The following PDE3A variants were observed in gnomAD, a reference collection of about 807,000 sequenced individuals.
The protein encoded by PDE3A is cGMP-inhibited 3',5'-cyclic phosphodiesterase 3A.
A neutral mutation model predicts 98.3 loss-of-function variants in PDE3A; 43 were observed. The observed-to-expected ratio is 0.44, with a 90% CI of 0.34 to 0.56. The LOEUF (loss-of-function observed/expected upper bound fraction) is 0.56, where lower values mean the gene tolerates loss of function less well. PDE3A is among the 20% of genes least tolerant of loss of function. The pLI is 0.01. For missense variants in PDE3A, 1,427 were observed against 1,440.7 expected (o/e 0.99, Z 0.15); for synonymous variants, 663 against 567.9 (o/e 1.17, Z -2.38).
intron 8 of PDE3A, among the ~76,000 whole-genome samples, chr12:20,635,823 A>G (rs1425618653): frequency 6.6e-6 from 1 of 151,960 alleles, no homozygotes; most frequent in Non-Finnish European, 1.5e-5. Context: ...TCCGGATTAA[A>G]CATGTATTAC....
chr12:20,529,941 C>A (rs1442410353), intron 1 of PDE3A, among the ~76,000 whole-genome samples: 1 of 152,020 alleles, frequency 6.6e-6, no homozygotes, highest in African/African-American at 2.4e-5. Context: ...AGAAATAAAA[C>A]TTTTTAATTT....
At chr12:20,392,534 CATAAATAA>C (rs1045970737) in intron 1 of PDE3A, among the ~76,000 whole-genome samples, 16 of 25,258 alleles carry the variant, frequency 6.3e-4, no homozygotes, top group African/African-American at 8.3e-4. Flanking sequence ...TAAATAAATA[CATAAATAA>C]ATAAATAAAT....
chr12:20,475,398 T>A (rs1176571779), intron 1 of PDE3A, among the ~76,000 whole-genome samples: 1 of 152,120 alleles, frequency 6.6e-6, no homozygotes, highest in Non-Finnish European at 1.5e-5. Flanking sequence ...CGGAGGCTTT[T>A]TACAACCCCT....
chr12:20,561,244 C>A (rs765904055), intron 2 of PDE3A, among the ~76,000 whole-genome samples: 26 of 150,092 alleles, frequency 1.7e-4, no homozygotes, highest in Non-Finnish European at 3.4e-4. Flanking sequence ...GGAGAAAGAG[C>A]GAGGCTCTGC....
chr12:20,688,104 T>G lies in PDE3A; in HGVS notation c.*7833T>G, dbSNP rs1358177524. Among the ~76,000 whole-genome samples the G allele has an allele frequency of 1.3e-5, 2 of 151,984 alleles. No homozygotes were observed. The highest frequency in any genetic ancestry group is 4.8e-5 in the African/African-American group (2 of 41,424). The stretch of plus-strand genomic sequence containing the variant: ...TAGGGATGTCATTTGTACATGACAA[T>G]TTTTAACAATGTAATTCTTACCACT... On this transcript the variant is annotated 3_prime_UTR_variant, in exon 16 of 16. Transcript: ENST00000359062.
At chr12:20,608,655 A>T (rs553787126) in intron 2 of PDE3A, among the ~76,000 whole-genome samples, 11 of 152,178 alleles carry the variant, frequency 7.2e-5, no homozygotes, top group Non-Finnish European at 1.2e-4. Flanking sequence ...TATACAAGAA[A>T]TACATCTATT....
intron 1 of PDE3A, among the ~76,000 whole-genome samples, chr12:20,400,273 T>C (rs1349411804): frequency 6.6e-6 from 1 of 151,738 alleles, no homozygotes; most frequent in Non-Finnish European, 1.5e-5. Flanking sequence ...ATGAAAGACC[T>C]CGAGAGTCCT....
intron 1 of PDE3A, among the ~76,000 whole-genome samples, chr12:20,377,470 C>T (rs191489466): frequency 6.6e-6 from 1 of 151,696 alleles, no homozygotes; most frequent in African/African-American, 2.4e-5. Context: ...TTGGCCTAGC[C>T]CCATTTCAAG....
intron 1 of PDE3A, among the ~76,000 whole-genome samples, chr12:20,443,789 T>G (rs185563220): frequency 5.1e-4 from 77 of 152,298 alleles, no homozygotes; most frequent in African/African-American, 1.8e-3. Flanking sequence ...CTTATTTTCG[T>G]TTAGCAAATT....
At chr12:20,509,789 T>TA in intron 1 of PDE3A, among the ~76,000 whole-genome samples, 1 of 148,264 alleles carries the variant, frequency 6.7e-6, no homozygotes, top group Non-Finnish European at 1.5e-5. Flanking sequence ...AGCTCATATA[T>TA]TTTTTTACCA....
At chr12:20,436,786 C>A (rs567845940) in intron 1 of PDE3A, among the ~76,000 whole-genome samples, 1 of 152,236 alleles carries the variant, frequency 6.6e-6, no homozygotes, top group Admixed American at 6.5e-5. Context: ...TAATAAAGAT[C>A]ATGTGCATAT....
At position 20,538,140 on chromosome 12, in the gene PDE3A, A is replaced by G. The variant is rs529396036; in HGVS notation, c.961-18520A>G. 3.9e-5 allele frequency among the ~76,000 whole-genome samples: 6 copies of G among 152,176 alleles called. No homozygotes were observed. The South Asian group carries it at 6.2e-4, about 16-fold the overall frequency. On this transcript the variant is annotated intron_variant, in intron 1 of 15. Coordinates refer to ENST00000359062, the MANE Select transcript of PDE3A (RefSeq NM_000921.5). ...ATTTCCAGGGCCTTTTCCATTATGT[A>G]TTTGCTGCCTACCATTATTGCTACT...
At chr12:20,675,574 C>T (rs1177290136) in intron 15 of PDE3A, among the ~76,000 whole-genome samples, 2 of 152,132 alleles carry the variant, frequency 1.3e-5, no homozygotes, top group Non-Finnish European at 1.5e-5. Context: ...GTTTGCTTTG[C>T]ATATATCTGG....
chr12:20,641,709 T>C (rs1944651173), intron 10 of PDE3A, among the ~76,000 whole-genome samples: 1 of 152,160 alleles, frequency 6.6e-6, no homozygotes, highest in South Asian at 2.1e-4. Context: ...AAAAATAAGT[T>C]TTCAGATTCT....
At chr12:20,373,227 G>C (rs879821448) in intron 1 of PDE3A, among the ~76,000 whole-genome samples, 7 of 152,042 alleles carry the variant, frequency 4.6e-5, no homozygotes, top group Non-Finnish European at 8.8e-5. Flanking sequence ...TGATTTTGTA[G>C]ATGAGTGTGT....
intron 13 of PDE3A, among the ~76,000 whole-genome samples, chr12:20,649,557 A>G (rs886165070): frequency 1.3e-5 from 2 of 152,218 alleles, no homozygotes; most frequent in Admixed American, 1.3e-4. Context: ...GCAGAATTTT[A>G]TACCTCAAAA....
chr12:20,385,945 TATTATATTAATTATTA>T (rs1222206367), intron 1 of PDE3A, among the ~76,000 whole-genome samples: 1 of 129,926 alleles, frequency 7.7e-6, no homozygotes, highest in Non-Finnish European at 1.5e-5. Context: ...TAATACAAAG[TATTATATTAATTATTA>T]ATTATATTAA....
At position 20,684,514 on chromosome 12, in the gene PDE3A, AG is replaced by A. The variant is rs1278413043; in HGVS notation, c.*4244del. On this transcript the variant is annotated 3_prime_UTR_variant, in exon 16 of 16. Coordinates refer to ENST00000359062, the MANE Select transcript of PDE3A (RefSeq NM_000921.5). The stretch of plus-strand genomic sequence containing the variant: ...GTTCAAATGCTAATAGCTCAATTCC[AG>A]ATAATTGAAAGCTAAAATATCTATG... 6.6e-6 allele frequency: 1 copy of A among 152,226 alleles called. No individual in the cohort carries two copies. Among genetic ancestry groups the A allele is most frequent in the African/African-American group, 2.4e-5 (1 of 41,460 alleles). The allele number at this position is 152,226 out of a possible 1,614,324, so 9.4% of individuals were successfully genotyped here.
intron 4 of PDE3A, among the ~76,000 whole-genome samples, chr12:20,620,240 CCAGA>C (rs1944100888): frequency 1.3e-5 from 2 of 151,902 alleles, no homozygotes; most frequent in Admixed American, 6.6e-5. Context: ...AATAGGCTAC[CCAGA>C]CAGACCAAGC....
Sources: gnomAD v4.1 joint callset for allele counts (sites outside exome capture counted in the v4.1 genomes callset) on GRCh38, gnomAD v4.1.1 for gene constraint, MANE v1.5 for transcripts, NCBI Gene and HGNC (gene_info 2026-07-23, HGNC 2026-07-21) for gene names.